MAP3K11: variants seen among roughly 807,000 people sequenced by gnomAD.
MAP3K11 encodes the protein SH3 domain-containing proline-rich kinase.
In MAP3K11, 46 loss-of-function variants were observed where a neutral mutation model predicts 84.9. The observed-to-expected ratio is 0.54, with a 90% CI of 0.43 to 0.69. MAP3K11 has a LOEUF of 0.69. Among genes scored for constraint, MAP3K11 ranks in the 30% least tolerant of loss-of-function variants. MAP3K11 has a pLI of 0.00. For missense variants in MAP3K11, 1,053 were observed against 1,198.3 expected (o/e 0.88, Z 1.79); for synonymous variants, 527 against 514.7 (o/e 1.02, Z -0.32).
Position 65,607,797 on chromosome 11 carries a change from G to A in MAP3K11, c.1089C>T (p.Pro363=). 1.2e-6 allele frequency: 2 copies of A among 1,612,310 alleles called. No individual in the cohort carries two copies. The change falls in exon 4 of 10, where the codon CCC becomes CCT. Residue 363 remains proline, a synonymous_variant. Transcript: ENST00000309100. ...TGGAGGCGAAGTCGGGCCTGCGGTG[G>A]GGGTCCTGCGCCCAGCAGTCTAGGG... ...QLMADCWAQD[P]HRRPDFASIL...
At position 65,614,003 on chromosome 11, in the gene MAP3K11, G is replaced by C. The variant is rs1047475774; in HGVS notation, c.-247C>G. 5.8e-6 allele frequency: 3 copies of C among 517,342 alleles called. No individual in the cohort carries two copies. The highest frequency in any genetic ancestry group is 1.0e-5 in the Non-Finnish European group (3 of 293,306). 32.0% of individuals were successfully genotyped at this position (517,342 alleles called of 1,614,324 possible). ...GGGGTGGGGCCCCGGGGCCTCCGGC[G>C]CCTCACCATGGCTAGCTTGGAGGGA... On this transcript the variant is annotated 5_prime_UTR_variant, in exon 1 of 10. Coordinates refer to ENST00000309100, the MANE Select transcript of MAP3K11 (RefSeq NM_002419.4).
chr11:65,607,714 G>C lies in MAP3K11; in HGVS notation c.1172C>G (p.Ser391Cys). 6.2e-7 allele frequency: 1 copy of C among 1,613,722 alleles called. No homozygotes were observed. The highest frequency in any genetic ancestry group is 8.5e-7 in the Non-Finnish European group (1 of 1,179,840). The change falls in exon 4 of 10, where the codon TCC becomes TGC. Residue 391 changes from serine to cysteine, a missense_variant. Ser to Cys is a moderately radical substitution (Grantham distance 112). Around this residue, in one of 3 missense-constraint regions of MAP3K11, gnomAD observed 310 missense variants for 464.5 expected, o/e 0.67. Coordinates refer to ENST00000309100, the MANE Select transcript of MAP3K11 (RefSeq NM_002419.4). ...CCAGCCTTCCTGCATGGAATGGAAG[G>C]AGTCCCGCGGCATTTCCCGTAGGAC... Reference protein sequence around the residue: ...AQVLREMPRDSFHSMQEGWKR... With the variant: ...AQVLREMPRDCFHSMQEGWKR...
chr11:65,604,826 G>C (rs1324744192), intron 8 of MAP3K11, among the ~76,000 whole-genome samples: 4 of 152,148 alleles, frequency 2.6e-5, no homozygotes, highest in African/African-American at 9.7e-5. Flanking sequence ...CAGCAGGTGT[G>C]GGGGCTCTGA....
rs1188333612 is a variant in MAP3K11 at position 65,598,516 on chromosome 11, G to A, written c.2319C>T (p.Arg773=). The A allele has an allele frequency of 1.2e-6, 2 of 1,613,462 alleles. No homozygotes were observed. Among genetic ancestry groups the A allele is most frequent in the African/African-American group, 2.7e-5 (2 of 75,060 alleles). ...LISRPRPSPL[R]SRIDPWSFVS... is the part of the protein sequence containing the mutation. ...CAAAGCTCCAGGGATCAATGCGGCT[G>A]CGAAGGGGCGAGGGCCGAGGTCGGC... Residue 773 remains arginine (R), a synonymous_variant, in exon 10 of 10, where the codon CGC becomes CGT. Transcript: ENST00000309100.
rs959432431 is a variant in MAP3K11, at chr11:65,600,095, G to C, written c.1832-327C>G. On this transcript the variant is annotated intron_variant, in intron 8 of 9. Coordinates refer to ENST00000309100, the MANE Select transcript of MAP3K11 (RefSeq NM_002419.4). Reference sequence around the variant, plus strand: ...CAGTGGGCCTCTGTGGCCTGCCAGGGGCAACCTCCAGGCCCAGGGGCATGG... The same window carrying C: ...CAGTGGGCCTCTGTGGCCTGCCAGGCGCAACCTCCAGGCCCAGGGGCATGG... Among the ~76,000 whole-genome samples the C allele has an allele frequency of 9.1e-4, 138 of 152,336 alleles. 1 individual carries two copies. The highest frequency in any genetic ancestry group is 2.8e-3 in the African/African-American group (117 of 41,590).
At chr11:65,606,200 G>T in intron 6 of MAP3K11, 119 bp from the exon 7 acceptor site, 1 of 1,194,652 alleles carries the variant, frequency 8.4e-7, no homozygotes, top group Non-Finnish European at 1.1e-6. Context: ...CCATTCCCAG[G>T]GTGAGCTTTG....
At chr11:65,606,994 G>C in intron 5 of MAP3K11, 190 bp from the exon 6 acceptor site, 1 of 577,792 alleles carries the variant, frequency 1.7e-6, no homozygotes, top group Non-Finnish European at 2.9e-6. Context: ...GTCTGAGTCG[G>C]AGATGCCCTG....
At chr11:65,605,050 G>C (rs1218444533) in intron 8 of MAP3K11, among the ~76,000 whole-genome samples, 1 of 152,172 alleles carries the variant, frequency 6.6e-6, no homozygotes, top group Non-Finnish European at 1.5e-5. Flanking sequence ...GAGAGCATTG[G>C]AGCTGAAGCC....
At position 65,599,451 on chromosome 11, in the gene MAP3K11, C is replaced by G. The variant is rs143609435; in HGVS notation, c.2149G>C (p.Gly717Arg). ...PTPAPLLLDL[G>R]IPVGQRSAKS... ...GCTGACCGCTGGCCCACAGGGATACCCAGGTCCAGCAACAGGGGTGCAGGA... is the reference window on the plus strand; with the variant it reads ...GCTGACCGCTGGCCCACAGGGATACGCAGGTCCAGCAACAGGGGTGCAGGA... Residue 717 changes from glycine (G) to arginine (R), a missense_variant, in exon 9 of 10, where the codon GGT becomes CGT. By Grantham distance (125) the Gly-to-Arg change is moderately radical (BLOSUM62 -2). Transcript: ENST00000309100. 4.6e-5 allele frequency: 70 copies of G among 1,518,384 alleles called. No homozygotes were observed. Among genetic ancestry groups the G allele is most frequent in the Non-Finnish European group, 5.9e-5 (68 of 1,144,782 alleles). 94.1% of individuals were successfully genotyped at this position (1,518,384 alleles called of 1,614,324 possible). A position where few individuals can be genotyped will look rare whatever the true frequency, so the allele number is the denominator to read the frequency against.
Position 65,608,427 on chromosome 11 carries a change from T to C in MAP3K11, c.761A>G (p.Glu254Gly), listed in dbSNP as rs1854537938. Residue 254 changes from glutamate (E) to glycine (G), a missense_variant, in exon 2 of 10, where the codon GAG (glutamate) becomes GGG (glycine). This residue lies in a region of MAP3K11 where 310 missense variants were observed against 464.5 expected (regional missense o/e 0.67). Transcript: ENST00000309100. ...GGTCTTGTGCTCCATGTCGTCACTC[T>C]CAATGGGCTGCAGCAGCAAAACTAG... ...SNNILLLQPIESDDMEHKTLK... is the reference protein window; with the variant it reads ...SNNILLLQPIGSDDMEHKTLK... 1 of 1,614,000 alleles carries C rather than the reference T, an allele frequency of 6.2e-7. No individual in the cohort carries two copies. Among genetic ancestry groups the C allele is most frequent in the African/African-American group, 1.3e-5 (1 of 74,910 alleles).
rs747954057 is a variant in MAP3K11, at chr11:65,613,324, C to A, written c.433G>T (p.Ala145Ser). 1.7e-5 allele frequency: 28 copies of A among 1,613,064 alleles called. No individual in the cohort carries two copies. The highest frequency in any genetic ancestry group is 2.4e-5 in the Non-Finnish European group (28 of 1,179,984). ...TCCTCATCGGGGTCCTGGCGAGCTG[C>A]CTTCACAGCCACCAGCTCACCTCGC... ...SWRGELVAVKAARQDPDEDIS... is the reference protein window; with the variant it reads ...SWRGELVAVKSARQDPDEDIS... The change falls in exon 1 of 10, where the codon GCA becomes TCA. Residue 145 changes from alanine to serine, a missense_variant. This residue lies in a region of MAP3K11 where 310 missense variants were observed against 464.5 expected (regional missense o/e 0.67). Coordinates refer to ENST00000309100, the MANE Select transcript of MAP3K11 (RefSeq NM_002419.4).
chr11:65,600,006 C>T lies in MAP3K11; in HGVS notation c.1832-238G>A, dbSNP rs368115877. Among the ~76,000 whole-genome samples the T allele has an allele frequency of 3.3e-5, 5 of 152,348 alleles. No homozygotes were observed. The East Asian group carries it at 5.8e-4, about 18-fold the overall frequency. On this transcript the variant is annotated intron_variant, in intron 8 of 9. Coordinates refer to ENST00000309100, the MANE Select transcript of MAP3K11 (RefSeq NM_002419.4). ...AAGCGGCAGCAAAGCCCAATGGCAGCCAGCGACCCCAGACCCGAAAGATGG... is the reference window on the plus strand; with the variant it reads ...AAGCGGCAGCAAAGCCCAATGGCAGTCAGCGACCCCAGACCCGAAAGATGG...
chr11:65,601,187 T>C (rs916492822), intron 8 of MAP3K11, among the ~76,000 whole-genome samples: 7 of 152,180 alleles, frequency 4.6e-5, no homozygotes, highest in Non-Finnish European at 1.0e-4. Context: ...AGGTTGCCTT[T>C]TCCTTGGGTA....
intron 6 of MAP3K11, 62 bp from the exon 7 acceptor site, chr11:65,606,143 G>C (rs1854505140): frequency 6.7e-7 from 1 of 1,500,944 alleles, no homozygotes. Context: ...TCACAGTCAG[G>C]CTTCAGAGAT....
chr11:65,608,140 C>T (rs1854534079), intron 2 of MAP3K11, 70 bp from the exon 3 acceptor site: 2 of 1,599,752 alleles, frequency 1.3e-6, no homozygotes, highest in Admixed American at 1.7e-5. Flanking sequence ...GCCACTTCAC[C>T]CAAAAGCAAC....
intron 8 of MAP3K11, 166 bp downstream of exon 8, chr11:65,605,595 G>A (rs757793097): frequency 3.5e-6 from 2 of 565,134 alleles, no homozygotes; most frequent in African/African-American, 2.0e-5. Flanking sequence ...GGTCAGACCT[G>A]GGTTCCAGGA....
intron 1 of MAP3K11, chr11:65,612,692 G>A (rs766221169): frequency 4.6e-5 from 12 of 258,334 alleles, no homozygotes; most frequent in Non-Finnish European, 8.8e-5. Context: ...TGAGGAGCAC[G>A]AGCTTCCAGA....
At chr11:65,599,298 C>T (rs1448393642) in intron 9 of MAP3K11, 96 bp downstream of exon 9, 4 of 1,391,100 alleles carry the variant, frequency 2.9e-6, no homozygotes, top group Non-Finnish European at 3.8e-6. Flanking sequence ...ACTGTGGTCT[C>T]GGCCTTGCCT....
Position 65,608,297 on chromosome 11 carries a change from G to A in MAP3K11, c.891C>T (p.Ser297=), listed in dbSNP as rs2135371304. The change falls in exon 2 of 10, where the codon TCC becomes TCT. Residue 297 remains serine (S), a synonymous_variant. Coordinates refer to ENST00000309100, the MANE Select transcript of MAP3K11 (RefSeq NM_002419.4). The part of the protein sequence containing the change: ...AWMAPEVIKA[S]TFSKGSDVWS... ...AGACGTCACTGCCCTTAGAGAAGGT[G>A]GAGGCCTTGATAACCTCAGGAGCCA... The A allele has an allele frequency of 6.2e-7, 1 of 1,614,194 alleles. No homozygotes were observed. Among genetic ancestry groups the A allele is most frequent in the Non-Finnish European group, 8.5e-7 (1 of 1,180,016 alleles).
Sources: allele counts gnomAD v4.1 joint callset (sites outside exome capture counted in the v4.1 genomes callset), GRCh38; gene constraint gnomAD v4.1.1; regional missense constraint gnomAD v4.1.1; transcripts MANE v1.5; gene names NCBI Gene and HGNC (gene_info 2026-07-23, HGNC 2026-07-21).